WDHD1: variants seen among roughly 807,000 people sequenced by gnomAD.
The protein encoded by WDHD1 is WD repeat and HMG-box DNA binding protein 1.
Under a neutral mutation model 135.4 loss-of-function variants are expected in WDHD1, and 111 were observed. The observed-to-expected ratio is 0.82, with a 90% CI of 0.70 to 0.96. The LOEUF (loss-of-function observed/expected upper bound fraction) is 0.96, where lower values mean the gene tolerates loss of function less well. Ranked by LOEUF, WDHD1 falls within the 40% of genes least tolerant of loss-of-function variation. WDHD1 has a pLI of 0.00. For synonymous variants in WDHD1, 434 were observed against 439.0 expected (o/e 0.99, Z 0.14); for missense variants, 1,351 against 1,336.3 (o/e 1.01, Z -0.17).
At chr14:54,990,373 G>A (rs938894701) in intron 12 of WDHD1, among the ~76,000 whole-genome samples, 12 of 152,130 alleles carry the variant, frequency 7.9e-5, no homozygotes, top group African/African-American at 2.7e-4. Flanking sequence ...CTAGGCAGGC[G>A]GATCACGAGG....
At chr14:55,017,779 T>A (rs779224335) in intron 2 of WDHD1, among the ~76,000 whole-genome samples, 13 of 152,140 alleles carry the variant, frequency 8.5e-5, no homozygotes, top group Non-Finnish European at 1.5e-4. Context: ...ACTTGTCAAA[T>A]TTTCAGATTT....
chr14:54,977,819 C>A (rs968873261), intron 16 of WDHD1, among the ~76,000 whole-genome samples: 4 of 151,384 alleles, frequency 2.6e-5, no homozygotes, highest in Admixed American at 6.6e-5. Context: ...TTAAATGTTA[C>A]CAGCTGTAAT....
intron 18 of WDHD1, among the ~76,000 whole-genome samples, 199 bp downstream of exon 18, chr14:54,966,276 A>C (rs2041341691): frequency 6.6e-6 from 1 of 151,614 alleles, no homozygotes; most frequent in Non-Finnish European, 1.5e-5. Flanking sequence ...CAGAGGTTGC[A>C]GTGAGCCGAG....
At chr14:54,998,729 G>A (rs930347981) in intron 10 of WDHD1, among the ~76,000 whole-genome samples, 1 of 151,468 alleles carries the variant, frequency 6.6e-6, no homozygotes, top group Non-Finnish European at 1.5e-5. Context: ...CACCCCAACC[G>A]CCATGCTTGC....
intron 15 of WDHD1, among the ~76,000 whole-genome samples, chr14:54,982,162 A>G (rs930907215): frequency 2.6e-5 from 4 of 151,540 alleles, no homozygotes; most frequent in Non-Finnish European, 5.9e-5. Flanking sequence ...ACCCGCCACC[A>G]CGCCCAGCTA....
chr14:54,957,259 C>G, intron 22 of WDHD1, 55 bp from the exon 23 acceptor site: 1 of 1,525,068 alleles, frequency 6.6e-7, no homozygotes, highest in Admixed American at 2.2e-5. Flanking sequence ...AATAAAATCC[C>G]AAGAGACTTA....
chr14:54,946,976 G>A (rs2040936970), intron 24 of WDHD1, among the ~76,000 whole-genome samples: 1 of 151,428 alleles, frequency 6.6e-6, no homozygotes, highest in African/African-American at 2.4e-5. Context: ...CCAGAAGGTG[G>A]AGGTTGCAGT....
At chr14:54,988,220 G>A (rs1347932399) in intron 13 of WDHD1, among the ~76,000 whole-genome samples, 1 of 136,458 alleles carries the variant, frequency 7.3e-6, no homozygotes, top group Non-Finnish European at 1.6e-5. Flanking sequence ...ACATTTTTTG[G>A]TTTGTTTTTC....
chr14:55,026,875 G>A, intron 1 of WDHD1, 72 bp from the exon 2 acceptor site: 7 of 1,467,316 alleles, frequency 4.8e-6, no homozygotes, highest in Non-Finnish European at 6.7e-6. Flanking sequence ...GATAGGAAGA[G>A]AGCTTAGTCT....
At chr14:55,008,425 G>A in intron 5 of WDHD1, 59 bp from the exon 6 acceptor site, 3 of 1,547,856 alleles carry the variant, frequency 1.9e-6, no homozygotes, top group South Asian at 1.2e-5. Context: ...CATGGAAAGT[G>A]GTTCAATTAA....
Position 55,002,044 on chromosome 14 carries a change from A to G in WDHD1, c.693+49T>C, listed in dbSNP as rs369412449. 81 of 1,346,098 alleles carry G rather than the reference A, an allele frequency of 6.0e-5. No homozygotes were observed. In the African/African-American group the frequency reaches 8.8e-4, roughly 15 times the overall value. 83.4% of individuals were successfully genotyped at this position (1,346,098 alleles called of 1,614,324 possible). ...GCAACTGTATTCAGGCAAACTACGCATTAACTGCTCCTTATAGCCCACTGA... is the reference window on the plus strand; with the variant it reads ...GCAACTGTATTCAGGCAAACTACGCGTTAACTGCTCCTTATAGCCCACTGA... On this transcript the variant is annotated intron_variant, in intron 8 of 25. Coordinates refer to ENST00000360586, the MANE Select transcript of WDHD1 (RefSeq NM_007086.4).
chr14:54,997,597 T>G (rs1450733091), intron 10 of WDHD1, among the ~76,000 whole-genome samples: 1 of 152,114 alleles, frequency 6.6e-6, no homozygotes, highest in Non-Finnish European at 1.5e-5. Context: ...GACAAAAAAT[T>G]GTTTTTGGAT....
At chr14:54,975,552 T>G (rs990232649) in intron 16 of WDHD1, among the ~76,000 whole-genome samples, 1 of 152,208 alleles carries the variant, frequency 6.6e-6, no homozygotes, top group Non-Finnish European at 1.5e-5. Context: ...TTCACCATGT[T>G]GGCCAGGATA....
chr14:54,960,005 T>C (rs997937025), intron 21 of WDHD1, among the ~76,000 whole-genome samples: 1 of 152,194 alleles, frequency 6.6e-6, no homozygotes, highest in Non-Finnish European at 1.5e-5. Context: ...GTTTTTCTTC[T>C]ATTACAAGAA....
At chr14:55,025,462 C>T (rs367824710) in intron 2 of WDHD1, among the ~76,000 whole-genome samples, 3 of 152,258 alleles carry the variant, frequency 2.0e-5, no homozygotes, top group South Asian at 2.1e-4. Flanking sequence ...TTCCACCTTA[C>T]GAGAAACACC....
Position 54,981,581 on chromosome 14 carries a change from G to A in WDHD1, c.2022C>T (p.His674=), listed in dbSNP as rs2041619367. ...TREHCKGKSD[H]YWVVGIHENP... Reference sequence around the variant, plus strand: ...TTTCATGGATACCAACCACCCAGTAGTGATCAGATTTTCCTTTGCAGTGCT... The same window carrying A: ...TTTCATGGATACCAACCACCCAGTAATGATCAGATTTTCCTTTGCAGTGCT... The change falls in exon 16 of 26, where the codon CAC becomes CAT. Residue 674 remains histidine (H), a synonymous_variant. Coordinates refer to ENST00000360586, the MANE Select transcript of WDHD1 (RefSeq NM_007086.4). The A allele has an allele frequency of 6.2e-7, 1 of 1,613,490 alleles. No individual in the cohort carries two copies. Among genetic ancestry groups the A allele is most frequent in the Admixed American group, 1.7e-5 (1 of 59,902 alleles).
At chr14:54,976,543 C>T (rs956792478) in intron 16 of WDHD1, among the ~76,000 whole-genome samples, 2 of 152,292 alleles carry the variant, frequency 1.3e-5, no homozygotes, top group African/African-American at 4.8e-5. Flanking sequence ...TCTTTAAACA[C>T]AACAGCAGGC....
At chr14:54,955,009 G>T (rs554696767) in intron 24 of WDHD1, among the ~76,000 whole-genome samples, 5 of 152,148 alleles carry the variant, frequency 3.3e-5, no homozygotes. Flanking sequence ...GATTATAGGC[G>T]TGAGCCACCA....
rs1256630392 is a variant in WDHD1, at chr14:54,955,541, A to C, written c.3050+20T>G. On this transcript the variant is annotated intron_variant, in intron 24 of 25. Coordinates refer to ENST00000360586, the MANE Select transcript of WDHD1 (RefSeq NM_007086.4). ...ACTTTTTACTTGGTCACTGCATGCT[A>C]AATTTCTCTATGTACTGACCTTTGG... is the stretch of plus-strand genomic sequence containing the variant. The C allele has an allele frequency of 3.3e-6, 5 of 1,500,470 alleles. 1 individual carries two copies. In the South Asian group the frequency reaches 5.6e-5, roughly 17 times the overall value. The allele number at this position is 1,500,470 out of a possible 1,614,324, so 92.9% of individuals were successfully genotyped here. A position where few individuals can be genotyped will look rare whatever the true frequency, so the allele number is the denominator to read the frequency against.
Sources: allele counts gnomAD v4.1 joint callset (sites outside exome capture counted in the v4.1 genomes callset), GRCh38; gene constraint gnomAD v4.1.1; transcripts MANE v1.5; gene names NCBI Gene and HGNC (gene_info 2026-07-23, HGNC 2026-07-21).